HSP90AA1: variants seen among roughly 807,000 people sequenced by gnomAD.
HSP90AA1 encodes heat shock protein 90 alpha family class A member 1.
In HSP90AA1, 18 loss-of-function variants were observed where a neutral mutation model predicts 73.3. The observed-to-expected ratio is 0.25, with a 90% CI of 0.17 to 0.36. The LOEUF (loss-of-function observed/expected upper bound fraction) is 0.36. Among genes scored for constraint, HSP90AA1 ranks in the 10% least tolerant of loss-of-function variants. The pLI, the probability that HSP90AA1 is intolerant of heterozygous loss-of-function variation, is 1.00. For missense variants in HSP90AA1, 704 were observed against 874.2 expected, an observed-to-expected ratio of 0.81 and a Z score of 2.45; for synonymous variants, 477 against 296.9, an observed-to-expected ratio of 1.61 and a Z score of -6.24.
chr14:102,091,724 G>A (rs752740185), upstream of HSP90AA1, among the ~76,000 whole-genome samples: 2 of 151,754 alleles, frequency 1.3e-5, no homozygotes, highest in Non-Finnish European at 2.9e-5. Context: ...CCTCCTGGGC[G>A]CAAGTGATCC....
At chr14:102,100,194 AAAAG>A (rs1350229418) in intron 2 of HSP90AA1, among the ~76,000 whole-genome samples, 1 of 152,188 alleles carries the variant, frequency 6.6e-6, no homozygotes, top group Admixed American at 6.5e-5. Flanking sequence ...TCTCGAAAAA[AAAAG>A]AACTATAAAT....
intron 1 of HSP90AA1, among the ~76,000 whole-genome samples, chr14:102,086,757 C>A (rs1276241828): frequency 8.6e-5 from 13 of 151,514 alleles, no homozygotes; most frequent in Non-Finnish European, 1.8e-4. Context: ...CCAGCTCTGG[C>A]GCTGCTGCAG....
intron 1 of HSP90AA1, among the ~76,000 whole-genome samples, chr14:102,136,295 G>A (rs748730631): frequency 3.3e-5 from 5 of 152,086 alleles, no homozygotes; most frequent in African/African-American, 1.2e-4. Flanking sequence ...TGGGCCGGGC[G>A]CGGTGGCTCA....
chr14:102,098,395 T>C (rs947701944), intron 2 of HSP90AA1, among the ~76,000 whole-genome samples: 1 of 150,482 alleles, frequency 6.6e-6, no homozygotes, highest in African/African-American at 2.4e-5. Flanking sequence ...CTCCTGACCT[T>C]GTGATCTGCC....
intron 1 of HSP90AA1, among the ~76,000 whole-genome samples, chr14:102,117,807 T>A (rs2049726025): frequency 1.3e-5 from 2 of 152,172 alleles, no homozygotes; most frequent in Non-Finnish European, 1.5e-5. Flanking sequence ...GCTGTGGCCC[T>A]TTGGGAAGCC....
chr14:102,082,888 G>A (rs2049131296), intron 9 of HSP90AA1, 146 bp downstream of exon 9: 2 of 806,502 alleles, frequency 2.5e-6, no homozygotes, highest in South Asian at 1.4e-5. Context: ...CAAAGTGCTG[G>A]GATTGCAGGC....
At chr14:102,133,892 C>T (rs1478531152) in intron 1 of HSP90AA1, among the ~76,000 whole-genome samples, 2 of 152,072 alleles carry the variant, frequency 1.3e-5, no homozygotes, top group Non-Finnish European at 2.9e-5. Flanking sequence ...GGCATGGTGC[C>T]TCATGCCTTG....
At chr14:102,110,815 T>G (rs2049632829) in intron 1 of HSP90AA1, among the ~76,000 whole-genome samples, 1 of 152,160 alleles carries the variant, frequency 6.6e-6, no homozygotes, top group African/African-American at 2.4e-5. Context: ...TCTCCTGACC[T>G]CGTGATTCAC....
chr14:102,119,497 T>C (rs1701821653), intron 1 of HSP90AA1, among the ~76,000 whole-genome samples: 1 of 152,168 alleles, frequency 6.6e-6, no homozygotes, highest in African/African-American at 2.4e-5. Flanking sequence ...TTGTTGTTTG[T>C]TTGTTTTTTT....
upstream of HSP90AA1, among the ~76,000 whole-genome samples, chr14:102,088,645 C>T (rs1319424279): frequency 6.6e-6 from 1 of 152,204 alleles, no homozygotes; most frequent in Non-Finnish European, 1.5e-5. Context: ...GCCCCCGGCC[C>T]AGGCTTTCCT....
Position 102,085,986 on chromosome 14 carries a change from C to G in HSP90AA1, c.301G>C (p.Ala101Pro). 1.2e-6 allele frequency: 2 copies of G among 1,613,938 alleles called. No homozygotes were observed. The highest frequency in any genetic ancestry group is 1.7e-6 in the Non-Finnish European group (2 of 1,179,854). Residue 101 changes from alanine (A) to proline (P), a missense_variant, in exon 3 of 11, where the codon GCT becomes CCT. Transcript: ENST00000216281. ...IVDTGIGMTK[A>P]DLINNLGTIA... ...GTACCAAGGTTATTGATCAAGTCAG[C>G]CTTGGTCATTCCAATTCCAGTATCC...
intron 1 of HSP90AA1, among the ~76,000 whole-genome samples, chr14:102,135,507 G>T (rs967011152): frequency 6.6e-6 from 1 of 152,262 alleles, no homozygotes; most frequent in East Asian, 1.9e-4. Context: ...TGCGCCGTGC[G>T]CTCGCATTCC....
chr14:102,116,731 A>G (rs906603068), intron 1 of HSP90AA1, among the ~76,000 whole-genome samples: 5 of 152,148 alleles, frequency 3.3e-5, no homozygotes, highest in African/African-American at 1.2e-4. Context: ...ACCCTCCCCA[A>G]CACTCCCTGC....
intron 1 of HSP90AA1, among the ~76,000 whole-genome samples, chr14:102,138,077 A>T (rs1021712791): frequency 3.9e-5 from 6 of 152,162 alleles, no homozygotes; most frequent in African/African-American, 1.4e-4. Context: ...TATTACTGTG[A>T]TTATAATAAA....
Position 102,094,865 on chromosome 14 carries a change from G to A in HSP90AA1, c.366+7010C>T, listed in dbSNP as rs1023892740. Reference sequence around the variant, plus strand: ...TCTGACCGTGGTGTGTAGGAAGCACGCTTCCAATGAGACCTGAGGAGAGCC... The same window carrying A: ...TCTGACCGTGGTGTGTAGGAAGCACACTTCCAATGAGACCTGAGGAGAGCC... On this transcript the variant is annotated intron_variant, in intron 2 of 11. Coordinates refer to the HSP90AA1 transcript ENST00000334701. Among the ~76,000 whole-genome samples, 3 of 152,280 alleles carry A rather than the reference G, an allele frequency of 2.0e-5. No homozygotes were observed. In the East Asian group the frequency reaches 5.8e-4, roughly 29 times the overall value.
In HSP90AA1 at chr14:102,085,378, T is replaced by C. The variant is rs944893526; in HGVS notation, c.583A>G (p.Thr195Ala). ...ATTCTTCGTTCCTCCAAGTACTCAG[T>C]TTGGTCTTCTTTCAGGTGTAGGATA... ...KVILHLKEDQTEYLEERRIKE... is the reference protein window; with the variant it reads ...KVILHLKEDQAEYLEERRIKE... The change falls in exon 4 of 11, where the codon ACT becomes GCT. Residue 195 changes from threonine (T) to alanine (A), a missense_variant. By Grantham distance (58) the Thr-to-Ala change is moderately conservative. Transcript: ENST00000216281. 28 of 1,613,184 alleles carry C rather than the reference T, an allele frequency of 1.7e-5. No homozygotes were observed. Among genetic ancestry groups the C allele is most frequent in the Non-Finnish European group, 2.4e-5 (28 of 1,179,258 alleles).
chr14:102,088,899 T>C (rs929190099), upstream of HSP90AA1, among the ~76,000 whole-genome samples: 1 of 55,178 alleles, frequency 1.8e-5, no homozygotes, highest in African/African-American at 3.6e-5. Context: ...CGTTCTTTTT[T>C]TTCTTTTCTT....
At chr14:102,117,326 A>C (rs944928016) in intron 1 of HSP90AA1, among the ~76,000 whole-genome samples, 5 of 152,052 alleles carry the variant, frequency 3.3e-5, no homozygotes, top group Admixed American at 1.3e-4. Context: ...AGTCCCATGG[A>C]CTGGAGTGGG....
At chr14:102,124,049 C>A (rs2049811458) in intron 1 of HSP90AA1, among the ~76,000 whole-genome samples, 1 of 152,128 alleles carries the variant, frequency 6.6e-6, no homozygotes, top group South Asian at 2.1e-4. Flanking sequence ...TCCCAAAATG[C>A]TGGGATTACA....
Sources: gnomAD v4.1 joint callset for allele counts (sites outside exome capture counted in the v4.1 genomes callset) on GRCh38, gnomAD v4.1.1 for gene constraint, MANE v1.5 for transcripts, NCBI Gene and HGNC (gene_info 2026-07-23, HGNC 2026-07-21) for gene names.